The following ABHD2 variants were observed in gnomAD, a reference collection of about 807,000 sequenced individuals.
ABHD2 encodes the protein abhydrolase domain containing 2, acylglycerol lipase.
ABHD2 carries 20 observed loss-of-function variants against 48.1 expected under a neutral mutation model. The observed-to-expected ratio is 0.42, with a 90% CI of 0.29 to 0.60. The LOEUF (loss-of-function observed/expected upper bound fraction) is 0.60, where lower values mean the gene tolerates loss of function less well. ABHD2 is among the 20% of genes least tolerant of loss of function. The pLI, the probability that ABHD2 is intolerant of heterozygous loss-of-function variation, is 0.24. For synonymous variants in ABHD2, 209 were observed against 214.2 expected, an observed-to-expected ratio of 0.98 and a Z score of 0.21; for missense variants, 405 against 550.9, an observed-to-expected ratio of 0.74 and a Z score of 2.65.
rs914293975 is a variant in ABHD2, at chr15:89,151,248, T to C, written c.195-429T>C. On this transcript the variant is annotated intron_variant, in intron 3 of 10. Coordinates refer to ENST00000352732, the MANE Select transcript of ABHD2 (RefSeq NM_152924.5). This position sits in a 1 kb window ranked among gnomAD's most constrained non-coding sequence, Gnocchi z 4.7. ...GTAACCACTACAGCTGTGGCCTGTC[T>C]CGTTAGGGAAAGAAGAAGTGAGCTT... 3.3e-5 allele frequency among the ~76,000 whole-genome samples: 5 copies of C among 152,230 alleles called. No individual in the cohort carries two copies. Among genetic ancestry groups the C allele is most frequent in the African/African-American group, 9.6e-5 (4 of 41,464 alleles).
the ABHD2 span, among the ~76,000 whole-genome samples, chr15:89,064,814 G>A: frequency 3.5e-3 from 534 of 152,094 alleles, 7 homozygotes; most frequent in African/African-American, 0.013. Flanking sequence ...ACACAGGAGA[G>A]CATATAATGT....
At chr15:89,158,905 C>A (rs1408095226) in intron 5 of ABHD2, among the ~76,000 whole-genome samples, 2 of 151,702 alleles carry the variant, frequency 1.3e-5, no homozygotes, top group Non-Finnish European at 2.9e-5. Flanking sequence ...CTCAAGTGAT[C>A]CACCCACTTC....
In ABHD2 at chr15:89,185,289, G is replaced by A; in HGVS notation, c.723-135G>A. 6.2e-6 allele frequency: 4 copies of A among 645,134 alleles called. No homozygotes were observed. The highest frequency in any genetic ancestry group is 1.1e-5 in the Non-Finnish European group (4 of 366,410). 40.0% of individuals were successfully genotyped at this position (645,134 alleles called of 1,614,324 possible). On this transcript the variant is annotated intron_variant, in intron 6 of 10. Transcript: ENST00000352732. This position sits in a 1 kb window ranked among gnomAD's most constrained non-coding sequence, Gnocchi z 5.9. The stretch of plus-strand genomic sequence containing the variant: ...TTGAGCTCTGCACATTAGAGCCTCT[G>A]TTTTAATGCAGAGGCCACAGCCTGA...
intron 5 of ABHD2, among the ~76,000 whole-genome samples, chr15:89,162,598 G>T (rs1201460101): frequency 2.6e-5 from 4 of 152,038 alleles, no homozygotes; most frequent in Admixed American, 2.6e-4. Flanking sequence ...CCCTTCTGTG[G>T]TCTTCACTTG....
At position 89,167,319 on chromosome 15, in the gene ABHD2, T is replaced by G. The variant is rs906455995; in HGVS notation, c.539-8493T>G. Among the ~76,000 whole-genome samples, 1 of 152,170 alleles carries G rather than the reference T, an allele frequency of 6.6e-6. No individual in the cohort carries two copies. Among genetic ancestry groups the G allele is most frequent in the African/African-American group, 2.4e-5 (1 of 41,434 alleles). On this transcript the variant is annotated intron_variant, in intron 5 of 10. Transcript: ENST00000352732. This position sits in a 1 kb window ranked among gnomAD's most constrained non-coding sequence, Gnocchi z 5.5. ...CTCTGCATTAAACAGTTGAGTTTTA[T>G]AATGGCAGAAGGGCACAATGGGAAG...
Position 89,100,335 on chromosome 15 carries a change from G to C in ABHD2, c.-107+11772G>C, listed in dbSNP as rs2049681726. ...GGGTCTTACTCTGTCACCCAGGCTG[G>C]AGTGCAATAGTGCGATCATAGCTCA... On this transcript the variant is annotated intron_variant, in intron 1 of 10. Transcript: ENST00000352732. The surrounding 1 kb of genome is among the most constrained non-coding windows in gnomAD (Gnocchi z 4.4). Among the ~76,000 whole-genome samples, 1 of 151,098 alleles carries C rather than the reference G, an allele frequency of 6.6e-6. No homozygotes were observed. The highest frequency in any genetic ancestry group is 6.6e-5 in the Admixed American group (1 of 15,160).
Position 89,173,945 on chromosome 15 carries a change from A to G in ABHD2, c.539-1867A>G, listed in dbSNP as rs544726914. 7.2e-5 allele frequency among the ~76,000 whole-genome samples: 11 copies of G among 152,122 alleles called. No homozygotes were observed. Among genetic ancestry groups the G allele is most frequent in the Non-Finnish European group, 1.3e-4 (9 of 68,034 alleles). On this transcript the variant is annotated intron_variant, in intron 5 of 10. Coordinates refer to ENST00000352732, the MANE Select transcript of ABHD2 (RefSeq NM_152924.5). This position sits in a 1 kb window ranked among gnomAD's most constrained non-coding sequence, Gnocchi z 6.5. ...CCTTAGTTTTAGGCATCTCTTGCTT[A>G]AGCTCCTTCTAAGCCCCCAGCATTT...
At chr15:89,157,855 AAAAT>A (rs930236365) in intron 5 of ABHD2, among the ~76,000 whole-genome samples, 10 of 152,162 alleles carry the variant, frequency 6.6e-5, no homozygotes, top group African/African-American at 2.4e-4. Flanking sequence ...AAAATTAAAA[AAAAT>A]AAATAAATAG....
intron 3 of ABHD2, among the ~76,000 whole-genome samples, chr15:89,123,379 A>G (rs1368245701): frequency 1.3e-5 from 2 of 152,170 alleles, no homozygotes; most frequent in African/African-American, 2.4e-5. Context: ...CCAAACCTTT[A>G]GTTTCCTGCC....
At chr15:89,109,844 G>A (rs558722224) in intron 1 of ABHD2, among the ~76,000 whole-genome samples, 12 of 152,152 alleles carry the variant, frequency 7.9e-5, no homozygotes, top group East Asian at 1.9e-4. Flanking sequence ...TTATACAGTC[G>A]TTCCTGTATA....
intron 3 of ABHD2, among the ~76,000 whole-genome samples, chr15:89,135,145 T>TTTCTTTTC (rs376776426): frequency 3.0e-5 from 3 of 98,974 alleles, no homozygotes; most frequent in Non-Finnish European, 5.0e-5. Context: ...AACTTTTTCT[T>TTTCTTTTC]TTTTTTTTTT....
the ABHD2 span, among the ~76,000 whole-genome samples, chr15:89,050,420 A>G: frequency 6.6e-6 from 1 of 152,190 alleles, no homozygotes; most frequent in Non-Finnish European, 1.5e-5. Flanking sequence ...CCATGGGGCT[A>G]TGGGTCAGGG....
chr15:89,069,124 T>TTTC, the ABHD2 span, among the ~76,000 whole-genome samples: 2 of 100,288 alleles, frequency 2.0e-5, no homozygotes, highest in African/African-American at 6.8e-5. Context: ...TTTCTTTTCT[T>TTTC]TTTTTTTTTT....
At chr15:89,158,870 T>C (rs775496927) in intron 5 of ABHD2, among the ~76,000 whole-genome samples, 1 of 151,730 alleles carries the variant, frequency 6.6e-6, no homozygotes, top group Non-Finnish European at 1.5e-5. Flanking sequence ...CACTATGTTG[T>C]CCAGGCTGGT....
the ABHD2 span, among the ~76,000 whole-genome samples, chr15:89,072,210 T>C: frequency 6.6e-6 from 1 of 152,170 alleles, no homozygotes; most frequent in African/African-American, 2.4e-5. Context: ...GTGCAGTGGC[T>C]CATGCCTGTA....
At chr15:89,163,770 G>A (rs1483021937) in intron 5 of ABHD2, among the ~76,000 whole-genome samples, 1 of 152,214 alleles carries the variant, frequency 6.6e-6, no homozygotes, top group Non-Finnish European at 1.5e-5. Flanking sequence ...TTTGCTGTGT[G>A]CCAGGCACTG....
At chr15:89,083,162 G>GT (rs1004343412), upstream of ABHD2, among the ~76,000 whole-genome samples, 3 of 151,948 alleles carry the variant, frequency 2.0e-5, no homozygotes, top group African/African-American at 4.8e-5. This position sits in a 1 kb window ranked among gnomAD's most constrained non-coding sequence, Gnocchi z 5.1. Context: ...GCCTGTTTTT[G>GT]TTTTTTTGTG....
At chr15:89,139,284 T>C (rs564967828) in intron 3 of ABHD2, among the ~76,000 whole-genome samples, 1 of 152,154 alleles carries the variant, frequency 6.6e-6, no homozygotes, top group African/African-American at 2.4e-5. Flanking sequence ...TGCTCAGAAA[T>C]ATCTCTCCTC....
chr15:89,112,245 G>A (rs1018662616), intron 1 of ABHD2, among the ~76,000 whole-genome samples: 1 of 152,158 alleles, frequency 6.6e-6, no homozygotes, highest in Non-Finnish European at 1.5e-5. Context: ...CAAATCTTCT[G>A]ATTTTGTTTC....
Sources: allele counts gnomAD v4.1 joint callset (sites outside exome capture counted in the v4.1 genomes callset), GRCh38; gene constraint gnomAD v4.1.1; non-coding constraint Gnocchi (gnomAD v3.1); transcripts MANE v1.5; gene names NCBI Gene and HGNC (gene_info 2026-07-23, HGNC 2026-07-21).